Variants in BBX observed in about 807,000 individuals in gnomAD.
The protein encoded by BBX is HMG box transcription factor BBX.
BBX carries 30 observed loss-of-function variants against 100.2 expected under a neutral mutation model. That is an observed-to-expected ratio of 0.30 (90% CI 0.22 to 0.41). The LOEUF (loss-of-function observed/expected upper bound fraction) is 0.41. Among genes scored for constraint, BBX ranks in the 10% least tolerant of loss-of-function variants. BBX has a pLI of 1.00. For synonymous variants in BBX, 376 were observed against 388.1 expected (o/e 0.97, Z 0.37); for missense variants, 1,023 against 1,129.8 (o/e 0.91, Z 1.35).
At chr3:107,582,748 G>T (rs2052379160) in intron 2 of BBX, among the ~76,000 whole-genome samples, 1 of 151,994 alleles carries the variant, frequency 6.6e-6, no homozygotes, top group Non-Finnish European at 1.5e-5. Context: ...AGAACATTTA[G>T]TTTTAAAATT....
At chr3:107,733,091 T>C in intron 7 of BBX, 68 bp downstream of exon 7, 3 of 1,373,618 alleles carry the variant, frequency 2.2e-6, no homozygotes, top group Non-Finnish European at 3.0e-6. Flanking sequence ...ATAGTCTGTT[T>C]ACGTTGTTCA....
intron 2 of BBX, among the ~76,000 whole-genome samples, chr3:107,590,251 A>G (rs1166679413): frequency 6.6e-6 from 1 of 152,138 alleles, no homozygotes; most frequent in African/African-American, 2.4e-5. Context: ...GTATATAGGC[A>G]TCTATTTTTT....
intron 3 of BBX, 84 bp from the exon 4 acceptor site, chr3:107,710,368 T>A (rs2061638852): frequency 8.9e-7 from 1 of 1,123,760 alleles, no homozygotes; most frequent in Admixed American, 2.8e-5. Context: ...ATAAACTAAT[T>A]GTAATCAAAT....
chr3:107,773,241 C>G lies in BBX; in HGVS notation c.1520C>G (p.Pro507Arg), dbSNP rs551755323. The G allele has an allele frequency of 2.5e-6, 4 of 1,614,002 alleles. No individual in the cohort carries two copies. Among genetic ancestry groups the G allele is most frequent in the Non-Finnish European group, 3.4e-6 (4 of 1,179,980 alleles). Residue 507 changes from proline to arginine, a missense_variant, in exon 11 of 18, where the codon CCT becomes CGT. This residue lies in a region of BBX where 348 missense variants were observed against 353.2 expected (regional missense o/e 0.99). Transcript: ENST00000325805. The surrounding 1 kb of genome is among the most constrained non-coding windows in gnomAD (Gnocchi z 4.1). The part of the protein sequence containing the change: ...DWGIEKLGDT[P>R]RKKVRTSSSG... The stretch of plus-strand genomic sequence containing the variant: ...GGCATAGAGAAACTTGGAGATACCC[C>G]TCGCAAGAAGGTCCGCACATCCTCA...
chr3:107,676,381 T>A (rs2059281244), intron 3 of BBX, among the ~76,000 whole-genome samples: 1 of 152,294 alleles, frequency 6.6e-6, no homozygotes, highest in East Asian at 1.9e-4. Flanking sequence ...GCCACCCTGA[T>A]GGTAAAAGGA....
intron 4 of BBX, 115 bp downstream of exon 4, chr3:107,710,737 G>C: frequency 1.1e-6 from 1 of 948,010 alleles, no homozygotes; most frequent in Non-Finnish European, 1.5e-6. Context: ...TGTATAGCTT[G>C]AATCCTATTC....
At chr3:107,757,545 T>TA (rs1198863407) in intron 10 of BBX, among the ~76,000 whole-genome samples, 2 of 152,148 alleles carry the variant, frequency 1.3e-5, no homozygotes, top group Non-Finnish European at 2.9e-5. Flanking sequence ...ACAGAATCCC[T>TA]AAAAAAGAAA....
rs895374741 is a variant in BBX, at chr3:107,551,617, G to A, written c.-84+25219G>A. ...CTCATTAATAGATTTGTGTGTAAGG[G>A]AATATAGTCCTGAAAATTGTTAAAC... On this transcript the variant is annotated intron_variant, in intron 2 of 17. Transcript: ENST00000325805. Among the ~76,000 whole-genome samples, 4 of 152,318 alleles carry A rather than the reference G, an allele frequency of 2.6e-5. No individual in the cohort carries two copies. The East Asian group carries it at 7.7e-4, about 29-fold the overall frequency.
At chr3:107,651,828 T>G (rs192893380) in intron 3 of BBX, among the ~76,000 whole-genome samples, 2 of 152,290 alleles carry the variant, frequency 1.3e-5, no homozygotes, top group African/African-American at 4.8e-5. Flanking sequence ...TAATGGATGC[T>G]TGAATTTCTC....
intron 2 of BBX, among the ~76,000 whole-genome samples, chr3:107,572,076 GT>G (rs2051410420): frequency 6.6e-6 from 1 of 152,152 alleles, no homozygotes; most frequent in Non-Finnish European, 1.5e-5. Context: ...GTAAATAAAG[GT>G]TATGGGAAAT....
intron 2 of BBX, among the ~76,000 whole-genome samples, chr3:107,632,756 C>T (rs937222005): frequency 2.0e-5 from 3 of 152,140 alleles, no homozygotes; most frequent in Non-Finnish European, 4.4e-5. Flanking sequence ...TTCTGGGGTG[C>T]ATTCTCTACC....
At chr3:107,764,220 G>A (rs2066176862) in intron 10 of BBX, among the ~76,000 whole-genome samples, 2 of 152,212 alleles carry the variant, frequency 1.3e-5, no homozygotes, top group Non-Finnish European at 1.5e-5. Context: ...TCGAACTCCT[G>A]ACCTCAGGTG....
intron 5 of BBX, among the ~76,000 whole-genome samples, chr3:107,720,026 A>G (rs527648342): frequency 2.0e-5 from 3 of 152,050 alleles, no homozygotes; most frequent in East Asian, 1.9e-4. Flanking sequence ...CTGTTTTAGC[A>G]TCAGAGGCAT....
At position 107,649,751 on chromosome 3, in the gene BBX, G is replaced by A. The variant is rs749540923; in HGVS notation, c.-10+3842G>A. Among the ~76,000 whole-genome samples the A allele has an allele frequency of 7.4e-4, 113 of 152,256 alleles. 1 individual carries two copies. Among genetic ancestry groups the A allele is most frequent in the Non-Finnish European group, 4.4e-4 (30 of 68,016 alleles). ...TTCTTCTTTACTTCTACCGGAAATT[G>A]GAAGTGGCTTTATCCTTACTGCTGA... On this transcript the variant is annotated intron_variant, in intron 3 of 17. Coordinates refer to ENST00000325805, the MANE Select transcript of BBX (RefSeq NM_001142568.3).
chr3:107,524,808 G>A (rs924805400), intron 1 of BBX, among the ~76,000 whole-genome samples: 5 of 145,664 alleles, frequency 3.4e-5, no homozygotes, highest in Admixed American at 3.4e-4. Flanking sequence ...GAGGTGGGGG[G>A]GGGGGCGAAG....
chr3:107,665,219 AT>A (rs1271930758), intron 3 of BBX, among the ~76,000 whole-genome samples: 1 of 152,152 alleles, frequency 6.6e-6, no homozygotes, highest in Non-Finnish European at 1.5e-5. Context: ...CAGCACTGAA[AT>A]ACCTTTCCCC....
chr3:107,543,326 A>G (rs967217605), intron 2 of BBX, among the ~76,000 whole-genome samples: 3 of 152,228 alleles, frequency 2.0e-5, no homozygotes, highest in Non-Finnish European at 4.4e-5. Flanking sequence ...GTTTTGCTGT[A>G]GAAATCTGTT....
intron 2 of BBX, among the ~76,000 whole-genome samples, chr3:107,588,254 G>A (rs1445645521): frequency 1.3e-5 from 2 of 151,920 alleles, no homozygotes; most frequent in African/African-American, 4.8e-5. Flanking sequence ...TTAGATGATG[G>A]TTAGGCCTTG....
At chr3:107,630,414 C>A (rs559502546) in intron 2 of BBX, among the ~76,000 whole-genome samples, 5 of 151,808 alleles carry the variant, frequency 3.3e-5, no homozygotes, top group Admixed American at 2.0e-4. Flanking sequence ...TTGCACGATG[C>A]GAGGGGGGAA....
Sources: gnomAD v4.1 joint callset for allele counts (sites outside exome capture counted in the v4.1 genomes callset) on GRCh38, gnomAD v4.1.1 for gene constraint, gnomAD v4.1.1 regional missense constraint, Gnocchi (gnomAD v3.1) non-coding constraint, MANE v1.5 for transcripts, NCBI Gene and HGNC (gene_info 2026-07-23, HGNC 2026-07-21) for gene names.